Variants in PPP1R26 observed in about 807,000 individuals in gnomAD.
PPP1R26 encodes protein phosphatase 1 regulatory subunit 26.
Under a neutral mutation model 67.6 loss-of-function variants are expected in PPP1R26, and 22 were observed. The observed-to-expected ratio is 0.33, with a 90% CI of 0.23 to 0.46. The LOEUF is 0.46. Among genes scored for constraint, PPP1R26 ranks in the 20% least tolerant of loss-of-function variants. The pLI is 1.00. For missense variants in PPP1R26, 1,602 were observed against 1,651.4 expected, an observed-to-expected ratio of 0.97 and a Z score of 0.52; for synonymous variants, 729 against 717.2, an observed-to-expected ratio of 1.02 and a Z score of -0.26.
rs1300458352 is a variant in PPP1R26 at position 135,482,719 on chromosome 9, C to T, written c.-292C>T. ...TTGAAAAAGCAGAGAGAGAATGCCT[C>T]GGTGTGTAAGTGGAGTGATGAGGAC... On this transcript the variant is annotated 5_prime_UTR_variant, in exon 2 of 4. Coordinates refer to ENST00000356818, the MANE Select transcript of PPP1R26 (RefSeq NM_014811.5). The T allele has an allele frequency of 7.5e-6, 3 of 398,530 alleles. No individual in the cohort carries two copies. Among genetic ancestry groups the T allele is most frequent in the Non-Finnish European group, 1.3e-5 (3 of 226,056 alleles). 24.7% of individuals were successfully genotyped at this position (398,530 alleles called of 1,614,324 possible).
chr9:135,482,934 GCT>G (rs1239371226), intron 2 of PPP1R26, 119 bp downstream of exon 2: 4 of 392,440 alleles, frequency 1.0e-5, no homozygotes, highest in Non-Finnish European at 1.8e-5. Context: ...CCCCTTTTGG[GCT>G]CACCTGTGTG....
At chr9:135,482,622 AT>A in intron 1 of PPP1R26, 60 bp from the exon 2 acceptor site, 3 of 395,944 alleles carry the variant, frequency 7.6e-6, no homozygotes, top group East Asian at 3.6e-5. Context: ...AAAAAAAAAA[AT>A]TTATCAACTG....
In PPP1R26 at chr9:135,487,918, G is replaced by T; in HGVS notation, c.3408G>T (p.Leu1136=). Reference sequence around the variant, plus strand: ...CTGTCTTTGGAAGCCCACACTTGCTGGCAAAGAAGGACGGCGGCCCCTGGC... The same window carrying T: ...CTGTCTTTGGAAGCCCACACTTGCTTGCAAAGAAGGACGGCGGCCCCTGGC... ...PSPVFGSPHL[L]AKKDGGPWPT... The change falls in exon 4 of 4, where the codon CTG becomes CTT. Residue 1136 remains leucine (L), a synonymous_variant. Transcript: ENST00000356818. 6.3e-7 allele frequency: 1 copy of T among 1,577,628 alleles called. No homozygotes were observed. The highest frequency in any genetic ancestry group is 8.6e-7 in the Non-Finnish European group (1 of 1,163,078).
chr9:135,487,442 G>A lies in PPP1R26; in HGVS notation c.2932G>A (p.Gly978Ser). Residue 978 changes from glycine (G) to serine (S), a missense_variant, in exon 4 of 4, where the codon GGT becomes AGT. Coordinates refer to ENST00000356818, the MANE Select transcript of PPP1R26 (RefSeq NM_014811.5). ...GAEPAAKSAF[G>S]QLPSCATAGT... ...TGAGCCTGCTGCCAAAAGTGCTTTT[G>A]GTCAGCTGCCCAGCTGTGCCACAGC... The A allele has an allele frequency of 6.2e-7, 1 of 1,609,612 alleles. No homozygotes were observed. The highest frequency in any genetic ancestry group is 8.5e-7 in the Non-Finnish European group (1 of 1,179,258).
upstream of PPP1R26, chr9:135,479,259 A>G (rs1588339219): frequency 6.6e-6 from 1 of 150,436 alleles, no homozygotes; most frequent in South Asian, 2.1e-4. This position sits in a 1 kb window ranked among gnomAD's most constrained non-coding sequence, Gnocchi z 5.9. Flanking sequence ...GCCGCCCCCG[A>G]CCCCGGCCCA....
In PPP1R26 at chr9:135,487,940, T is replaced by C. The variant is rs1588356869; in HGVS notation, c.3430T>C (p.Trp1144Arg). ...GCTGGCAAAGAAGGACGGCGGCCCC[T>C]GGCCAACCAGGAAGGCACAGGCAGG... ...HLLAKKDGGP[W>R]PTRKAQAGLS... The change falls in exon 4 of 4, where the codon TGG becomes CGG. Residue 1144 changes from tryptophan to arginine, a missense_variant. Trp to Arg is a moderately radical substitution (Grantham distance 101). Around this residue, in one of 5 missense-constraint regions of PPP1R26, gnomAD observed 740 missense variants for 696.3 expected, o/e 1.06. Transcript: ENST00000356818. 6.3e-7 allele frequency: 1 copy of C among 1,587,306 alleles called. No individual in the cohort carries two copies. The highest frequency in any genetic ancestry group is 8.6e-7 in the Non-Finnish European group (1 of 1,168,034).
Position 135,486,586 on chromosome 9 carries a change from C to T in PPP1R26, c.2076C>T (p.Asp692=), listed in dbSNP as rs781157949. The T allele has an allele frequency of 6.2e-7, 1 of 1,612,178 alleles. No individual in the cohort carries two copies. Among genetic ancestry groups the T allele is most frequent in the Non-Finnish European group, 8.5e-7 (1 of 1,180,012 alleles). ...GCAGCTCCCTGGACAGTGACGAGGACCTGGACACAGCCATCAAGGACTTGT... is the reference window on the plus strand; with the variant it reads ...GCAGCTCCCTGGACAGTGACGAGGATCTGGACACAGCCATCAAGGACTTGT... ...DKSSSLDSDE[D]LDTAIKDLLR... The change falls in exon 4 of 4, where the codon GAC becomes GAT. Residue 692 remains aspartate, a synonymous_variant. Coordinates refer to ENST00000356818, the MANE Select transcript of PPP1R26 (RefSeq NM_014811.5). This position sits in a 1 kb window ranked among gnomAD's most constrained non-coding sequence, Gnocchi z 6.2.
chr9:135,480,426 C>G (rs1359855038), intron 1 of PPP1R26: 1 of 152,260 alleles, frequency 6.6e-6, no homozygotes, highest in Non-Finnish European at 1.5e-5. Flanking sequence ...GGGCCCCAAG[C>G]TCGCTAGTCC....
chr9:135,487,491 G>A lies in PPP1R26; in HGVS notation c.2981G>A (p.Arg994Lys). 6.2e-7 allele frequency: 1 copy of A among 1,610,414 alleles called. No individual in the cohort carries two copies. The highest frequency in any genetic ancestry group is 8.5e-7 in the Non-Finnish European group (1 of 1,179,580). ...GCGGGCACCGAGGCAGGAGGCGCCAGAGGAACCTTTCACATGGGCTGCGGG... is the reference window on the plus strand; with the variant it reads ...GCGGGCACCGAGGCAGGAGGCGCCAAAGGAACCTTTCACATGGGCTGCGGG... ...ATAGTEAGGA[R>K]GTFHMGCGSP... The change falls in exon 4 of 4, where the codon AGA becomes AAA. Residue 994 changes from arginine (R) to lysine (K), a missense_variant. Physicochemically the swap from Arg to Lys is conservative, Grantham distance 26. This residue lies in a region of PPP1R26 where 740 missense variants were observed against 696.3 expected (regional missense o/e 1.06). Coordinates refer to ENST00000356818, the MANE Select transcript of PPP1R26 (RefSeq NM_014811.5).
Position 135,487,336 on chromosome 9 carries a change from C to G in PPP1R26, c.2826C>G (p.Thr942=). 6.4e-7 allele frequency: 1 copy of G among 1,553,170 alleles called. No individual in the cohort carries two copies. The highest frequency in any genetic ancestry group is 8.7e-7 in the Non-Finnish European group (1 of 1,152,190). Residue 942 remains threonine (T), a synonymous_variant, in exon 4 of 4, where the codon ACC becomes ACG. Coordinates refer to ENST00000356818, the MANE Select transcript of PPP1R26 (RefSeq NM_014811.5). ...ARGDPVPPRS[T]SGGVSAKGLS... ...GGGATCCGGTGCCGCCCAGGAGCAC[C>G]AGCGGCGGTGTCTCCGCCAAGGGGC... is the stretch of plus-strand genomic sequence containing the variant.
chr9:135,479,166 C>G (rs1037775956), upstream of PPP1R26: 1 of 152,158 alleles, frequency 6.6e-6, no homozygotes, highest in South Asian at 2.1e-4. The surrounding 1 kb of genome is among the most constrained non-coding windows in gnomAD (Gnocchi z 5.9). Context: ...GGCAGGTGTG[C>G]TCGAGGAGCC....
In PPP1R26 at chr9:135,485,363, A is replaced by C. The variant is rs2119283674; in HGVS notation, c.853A>C (p.Lys285Gln). The change falls in exon 4 of 4, where the codon AAG becomes CAG. Residue 285 changes from lysine (K) to glutamine (Q), a missense_variant. Coordinates refer to ENST00000356818, the MANE Select transcript of PPP1R26 (RefSeq NM_014811.5). The surrounding 1 kb of genome is among the most constrained non-coding windows in gnomAD (Gnocchi z 7.2). ...TCGGCAGGGCCTGCTGGGCGTCCAG[A>C]AGGAGTTTGCCTTCCGCAAACCTCC... The part of the protein sequence containing the change: ...VHRQGLLGVQ[K>Q]EFAFRKPPRL... 6.2e-7 allele frequency: 1 copy of C among 1,612,900 alleles called. No homozygotes were observed. The highest frequency in any genetic ancestry group is 8.5e-7 in the Non-Finnish European group (1 of 1,180,002).
Position 135,487,916 on chromosome 9 carries a change from C to T in PPP1R26, c.3406C>T (p.Leu1136=), listed in dbSNP as rs778889304. Residue 1136 remains leucine (L), a synonymous_variant, in exon 4 of 4, where the codon CTG becomes TTG. Coordinates refer to ENST00000356818, the MANE Select transcript of PPP1R26 (RefSeq NM_014811.5). ...CCCTGTCTTTGGAAGCCCACACTTG[C>T]TGGCAAAGAAGGACGGCGGCCCCTG... is the stretch of plus-strand genomic sequence containing the variant. The part of the protein sequence containing the change: ...PSPVFGSPHL[L]AKKDGGPWPT... 1.4e-5 allele frequency: 22 copies of T among 1,575,850 alleles called. No homozygotes were observed. In the East Asian group the frequency reaches 4.1e-4, roughly 29 times the overall value.
chr9:135,484,112 A>C, intron 3 of PPP1R26, 30 bp downstream of exon 3: 1 of 412,840 alleles, frequency 2.4e-6, no homozygotes, highest in African/African-American at 2.0e-5. Flanking sequence ...TCTTACAGAG[A>C]AGGTGGAAGC....
chr9:135,485,062 C>T lies in PPP1R26; in HGVS notation c.552C>T (p.Ala184=). ...CGGCTCACGGCAGTGCCCCGACTGC[C>T]CTGTGTCCCCCAAAACTTGTACCTG... ...PEPAHGSAPT[A]LCPPKLVPGS... is the part of the protein sequence containing the mutation. Residue 184 remains alanine (A), a synonymous_variant, in exon 4 of 4, where the codon GCC becomes GCT. Coordinates refer to ENST00000356818, the MANE Select transcript of PPP1R26 (RefSeq NM_014811.5). This position sits in a 1 kb window ranked among gnomAD's most constrained non-coding sequence, Gnocchi z 7.2. 6.2e-7 allele frequency: 1 copy of T among 1,608,236 alleles called. No homozygotes were observed. Among genetic ancestry groups the T allele is most frequent in the Non-Finnish European group, 8.5e-7 (1 of 1,177,904 alleles).
In PPP1R26 at chr9:135,486,967, C is replaced by T. The variant is rs748198380; in HGVS notation, c.2457C>T (p.Pro819=). ...PFPRESQGPA[P]SPGSLSDDSS... is the part of the protein sequence containing the mutation. The stretch of plus-strand genomic sequence containing the variant: ...CCAGGGAGTCCCAGGGCCCAGCTCC[C>T]AGCCCCGGCTCCCTGTCTGATGACA... The change falls in exon 4 of 4, where the codon CCC becomes CCT. Residue 819 remains proline, a synonymous_variant. Coordinates refer to ENST00000356818, the MANE Select transcript of PPP1R26 (RefSeq NM_014811.5). The surrounding 1 kb of genome is among the most constrained non-coding windows in gnomAD (Gnocchi z 6.2). 1 of 1,612,956 alleles carries T rather than the reference C, an allele frequency of 6.2e-7. No homozygotes were observed. Among genetic ancestry groups the T allele is most frequent in the Non-Finnish European group, 8.5e-7 (1 of 1,180,032 alleles).
Position 135,484,343 on chromosome 9 carries a change from C to G in PPP1R26, c.-62-106C>G, listed in dbSNP as rs1051282390. On this transcript the variant is annotated intron_variant, in intron 3 of 3. Transcript: ENST00000356818. ...TGGACGTTGGGCTCCACCCAACTCT[C>G]TCCACTCTGTGAGCCCGACATGCTG... is the stretch of plus-strand genomic sequence containing the variant. The G allele has an allele frequency of 3.0e-5, 20 of 674,532 alleles. No individual in the cohort carries two copies. The African/African-American group carries it at 3.1e-4, about 10-fold the overall frequency. 41.8% of individuals were successfully genotyped at this position (674,532 alleles called of 1,614,324 possible). A position where few individuals can be genotyped will look rare whatever the true frequency, so the allele number is the denominator to read the frequency against.
chr9:135,485,148 C>A lies in PPP1R26; in HGVS notation c.638C>A (p.Pro213Gln), dbSNP rs771674653. 2 of 1,612,790 alleles carry A rather than the reference C, an allele frequency of 1.2e-6. No homozygotes were observed. The highest frequency in any genetic ancestry group is 1.7e-6 in the Non-Finnish European group (2 of 1,179,874). The change falls in exon 4 of 4, where the codon CCG (proline) becomes CAG (glutamine). Residue 213 changes from proline to glutamine, a missense_variant. Transcript: ENST00000356818. This position sits in a 1 kb window ranked among gnomAD's most constrained non-coding sequence, Gnocchi z 7.2. ...GSSKDQGSAS[P>Q]VSVSSDDSFE... ...AGCAAGGACCAGGGCTCCGCCTCCC[C>A]GGTCAGTGTGAGCAGCGATGACTCC... is the stretch of plus-strand genomic sequence containing the variant.
At position 135,485,055 on chromosome 9, in the gene PPP1R26, C is replaced by T. The variant is rs777718215; in HGVS notation, c.545C>T (p.Pro182Leu). Reference protein sequence around the residue: ...CKPEPAHGSAPTALCPPKLVP... With the variant: ...CKPEPAHGSALTALCPPKLVP... ...CCGGAACCGGCTCACGGCAGTGCCCCGACTGCCCTGTGTCCCCCAAAACTT... is the reference window on the plus strand; with the variant it reads ...CCGGAACCGGCTCACGGCAGTGCCCTGACTGCCCTGTGTCCCCCAAAACTT... Residue 182 changes from proline (P) to leucine (L), a missense_variant, in exon 4 of 4, where the codon CCG becomes CTG. By Grantham distance (98) the Pro-to-Leu change is moderately conservative (BLOSUM62 -3). Transcript: ENST00000356818. The surrounding 1 kb of genome is among the most constrained non-coding windows in gnomAD (Gnocchi z 7.2). 18 of 1,604,160 alleles carry T rather than the reference C, an allele frequency of 1.1e-5. No individual in the cohort carries two copies. Among genetic ancestry groups the T allele is most frequent in the Middle Eastern group, 1.7e-4 (1 of 5,890 alleles).
Sources: allele counts gnomAD v4.1 joint callset, GRCh38; gene constraint gnomAD v4.1.1; regional missense constraint gnomAD v4.1.1; non-coding constraint Gnocchi (gnomAD v3.1); transcripts MANE v1.5; gene names NCBI Gene and HGNC (gene_info 2026-07-23, HGNC 2026-07-21).